Variants in ITFG1 observed in about 807,000 individuals in gnomAD.
The protein encoded by ITFG1 is integrin alpha FG-GAP repeat containing 1, also known as T-cell immunomodulatory protein.
Under a neutral mutation model 81.8 loss-of-function variants are expected in ITFG1, and 34 were observed. The ratio of observed to expected loss-of-function variants is 0.42; its 90% confidence interval spans 0.32 to 0.55. The LOEUF is 0.55. Ranked by LOEUF, ITFG1 falls within the 20% of genes least tolerant of loss-of-function variation. The pLI, the probability that ITFG1 is intolerant of heterozygous loss-of-function variation, is 0.17. For synonymous variants in ITFG1, 285 were observed against 270.6 expected (o/e 1.05, Z -0.52); for missense variants, 672 against 755.4 (o/e 0.89, Z 1.29).
chr16:47,247,028 C>T (rs1453271772), intron 12 of ITFG1, among the ~76,000 whole-genome samples: 1 of 152,122 alleles, frequency 6.6e-6, no homozygotes, highest in Non-Finnish European at 1.5e-5. Flanking sequence ...AAGTGATTCG[C>T]CTGCCTTGAC....
intron 7 of ITFG1, among the ~76,000 whole-genome samples, chr16:47,371,068 A>G (rs1045884762): frequency 3.3e-5 from 5 of 152,196 alleles, no homozygotes; most frequent in African/African-American, 4.8e-5. Context: ...CCAAAATTCA[A>G]CGAACTCACT....
intron 8 of ITFG1, among the ~76,000 whole-genome samples, chr16:47,340,629 CAT>C (rs1369680498): frequency 1.3e-5 from 2 of 151,934 alleles, no homozygotes; most frequent in East Asian, 3.9e-4. Flanking sequence ...AGTGAAAAGA[CAT>C]ATAGAAAACA....
At chr16:47,212,409 A>G (rs1965574583) in intron 14 of ITFG1, among the ~76,000 whole-genome samples, 1 of 151,466 alleles carries the variant, frequency 6.6e-6, no homozygotes, top group Non-Finnish European at 1.5e-5. Flanking sequence ...TAGACACAGG[A>G]TCTCACTATA....
chr16:47,265,712 C>T (rs1200273120), intron 10 of ITFG1, among the ~76,000 whole-genome samples: 1 of 151,804 alleles, frequency 6.6e-6, no homozygotes, highest in Non-Finnish European at 1.5e-5. Context: ...AAATGAAAAC[C>T]TTTAGAAAGA....
chr16:47,293,206 T>C (rs183168480), intron 10 of ITFG1, among the ~76,000 whole-genome samples: 1 of 145,020 alleles, frequency 6.9e-6, no homozygotes, highest in East Asian at 1.9e-4. Flanking sequence ...ATATCATATA[T>C]AAATATGATA....
At chr16:47,213,280 C>G (rs1489972851) in intron 14 of ITFG1, among the ~76,000 whole-genome samples, 1 of 152,096 alleles carries the variant, frequency 6.6e-6, no homozygotes, top group East Asian at 1.9e-4. Context: ...TATGGTTTCA[C>G]TTGTTTAAAT....
chr16:47,253,817 C>T (rs576636729), intron 12 of ITFG1, among the ~76,000 whole-genome samples: 4 of 152,244 alleles, frequency 2.6e-5, no homozygotes, highest in Admixed American at 6.5e-5. Context: ...AAGCTTTGCT[C>T]GCCCTCCGGC....
Position 47,272,681 on chromosome 16 carries a change from C to A in ITFG1, c.1071-11986G>T, listed in dbSNP as rs375771523. On this transcript the variant is annotated intron_variant, in intron 10 of 17. Coordinates refer to ENST00000320640, the MANE Select transcript of ITFG1 (RefSeq NM_030790.5). ...AAAGTGCTGGGATTACGGGCGTGAG[C>A]CATTGCGCCCAGCCTGAATACACTT... Among the ~76,000 whole-genome samples, 46 of 152,162 alleles carry A rather than the reference C, an allele frequency of 3.0e-4. No homozygotes were observed. In the East Asian group the frequency reaches 4.3e-3, roughly 14 times the overall value.
At chr16:47,242,970 A>G (rs7200665) in intron 12 of ITFG1, among the ~76,000 whole-genome samples, 54,505 of 151,978 alleles carry the variant, frequency 0.36, 11,726 homozygotes, top group East Asian at 0.75. Flanking sequence ...CTGTGCACTT[A>G]TGTATACTTT....
intron 6 of ITFG1, among the ~76,000 whole-genome samples, chr16:47,402,109 T>A (rs1241653935): frequency 1.3e-5 from 2 of 152,178 alleles, no homozygotes; most frequent in Non-Finnish European, 2.9e-5. Context: ...AAATATCCGG[T>A]GACTGAATAA....
At chr16:47,291,892 C>T (rs1437621114) in intron 10 of ITFG1, among the ~76,000 whole-genome samples, 3 of 151,912 alleles carry the variant, frequency 2.0e-5, no homozygotes, top group Non-Finnish European at 4.4e-5. Context: ...CATGTATTTT[C>T]TTTTGTCACA....
chr16:47,354,067 G>C (rs879826631), intron 8 of ITFG1, among the ~76,000 whole-genome samples: 3 of 152,058 alleles, frequency 2.0e-5, no homozygotes, highest in Non-Finnish European at 2.9e-5. Context: ...CGTTTGTGTG[G>C]AACCACAACA....
At chr16:47,276,881 G>A (rs1007494429) in intron 10 of ITFG1, among the ~76,000 whole-genome samples, 2 of 152,106 alleles carry the variant, frequency 1.3e-5, no homozygotes, top group Admixed American at 6.5e-5. Flanking sequence ...TACATTAAAA[G>A]CCTACATATG....
chr16:47,353,139 A>T lies in ITFG1; in HGVS notation c.802+12649T>A, dbSNP rs559935392. Among the ~76,000 whole-genome samples the T allele has an allele frequency of 9.9e-5, 15 of 152,244 alleles. No individual in the cohort carries two copies. In the East Asian group the frequency reaches 2.9e-3, roughly 29 times the overall value. ...ATGAGTTAATGGGTGCAGCACACCAAGATGGCACATGTAGACATATGTAAC... is the reference window on the plus strand; with the variant it reads ...ATGAGTTAATGGGTGCAGCACACCATGATGGCACATGTAGACATATGTAAC... On this transcript the variant is annotated intron_variant, in intron 8 of 17. Coordinates refer to ENST00000320640, the MANE Select transcript of ITFG1 (RefSeq NM_030790.5).
At chr16:47,320,895 T>C (rs959431124) in intron 8 of ITFG1, among the ~76,000 whole-genome samples, 7 of 152,160 alleles carry the variant, frequency 4.6e-5, no homozygotes, top group Non-Finnish European at 8.8e-5. Flanking sequence ...GTGGAAATAC[T>C]AAAACACTTG....
rs988604002 is a variant in ITFG1 at position 47,230,772 on chromosome 16, G to A, written c.1374+7193C>T. ...TTGTTATTATTATTATTTTTGAGACGGAGTCTCGCTCTGTCGCCCAGGCTG... is the reference window on the plus strand; with the variant it reads ...TTGTTATTATTATTATTTTTGAGACAGAGTCTCGCTCTGTCGCCCAGGCTG... On this transcript the variant is annotated intron_variant, in intron 13 of 17. Transcript: ENST00000320640. Among the ~76,000 whole-genome samples the A allele has an allele frequency of 2.6e-5, 4 of 152,146 alleles. No homozygotes were observed. In the East Asian group the frequency reaches 7.7e-4, roughly 29 times the overall value.
intron 8 of ITFG1, among the ~76,000 whole-genome samples, chr16:47,354,505 T>A (rs571038466): frequency 1.3e-5 from 2 of 152,272 alleles, no homozygotes; most frequent in African/African-American, 4.8e-5. Flanking sequence ...AGGATTTTTT[T>A]AGATAAGACC....
chr16:47,366,320 T>C (rs1442092129), intron 7 of ITFG1, among the ~76,000 whole-genome samples: 1 of 152,200 alleles, frequency 6.6e-6, no homozygotes, highest in Non-Finnish European at 1.5e-5. Context: ...GGAAGAAGAT[T>C]CTGTTGGGAA....
chr16:47,450,416 G>A (rs1374302928), intron 5 of ITFG1: 6 of 407,284 alleles, frequency 1.5e-5, no homozygotes, highest in Non-Finnish European at 2.9e-5. Flanking sequence ...GTTAGCTTCC[G>A]AGATCAGAAG....
Sources: gnomAD v4.1 joint callset for allele counts (sites outside exome capture counted in the v4.1 genomes callset) on GRCh38, gnomAD v4.1.1 for gene constraint, MANE v1.5 for transcripts, NCBI Gene and HGNC (gene_info 2026-07-23, HGNC 2026-07-21) for gene names.